OGFOD1: variants seen among roughly 807,000 people sequenced by gnomAD.
The protein encoded by OGFOD1 is prolyl 3-hydroxylase OGFOD1.
A neutral mutation model predicts 67.7 loss-of-function variants in OGFOD1; 54 were observed. That is an observed-to-expected ratio of 0.80 (90% CI 0.64 to 1.00). The LOEUF is 1.00. Ranked by LOEUF, OGFOD1 falls within the 50% of genes least tolerant of loss-of-function variation. The pLI is 0.00. For missense variants in OGFOD1, 606 were observed against 646.7 expected (o/e 0.94, Z 0.68); for synonymous variants, 221 against 227.0 (o/e 0.97, Z 0.24).
intron 12 of OGFOD1, among the ~76,000 whole-genome samples, chr16:56,475,820 T>C (rs182263876): frequency 6.6e-6 from 1 of 152,306 alleles, no homozygotes; most frequent in Admixed American, 6.5e-5. Context: ...TCTTACAATG[T>C]AGTAAGAAAT....
intron 2 of OGFOD1, among the ~76,000 whole-genome samples, chr16:56,455,672 G>A (rs1173185650): frequency 6.6e-6 from 1 of 152,094 alleles, no homozygotes; most frequent in Non-Finnish European, 1.5e-5. Flanking sequence ...AACCAACTCT[G>A]TCATTAGGAC....
chr16:56,454,833 T>C lies in OGFOD1; in HGVS notation c.300+1425T>C, dbSNP rs1224112168. ...CCCAGATCTTTCTGTCTTTGGACCT[T>C]ATACACATGACTGAATTAACCAGGA... On this transcript the variant is annotated intron_variant, in intron 2 of 12. Coordinates refer to ENST00000566157, the MANE Select transcript of OGFOD1 (RefSeq NM_018233.4). 3.7e-5 allele frequency: 16 copies of C among 427,542 alleles called. No homozygotes were observed. In the Admixed American group the frequency reaches 4.2e-4, roughly 11 times the overall value. The allele number at this position is 427,542 out of a possible 1,614,324, so 26.5% of individuals were successfully genotyped here.
Position 56,451,663 on chromosome 16 carries a change from G to C in OGFOD1, c.51G>C (p.Lys17Asn), listed in dbSNP as rs759894663. 1 of 1,614,064 alleles carries C rather than the reference G, an allele frequency of 6.2e-7. No homozygotes were observed. The highest frequency in any genetic ancestry group is 1.1e-5 in the South Asian group (1 of 91,082). The change falls in exon 1 of 13, where the codon AAG (lysine) becomes AAC (asparagine). Residue 17 changes from lysine to asparagine, a missense_variant. Physicochemically the swap from Lys to Asn is moderately conservative, Grantham distance 94 (BLOSUM62 0). Transcript: ENST00000566157. ...CCGGCCCAGCCCGGGTGGGAAAAAA[G>C]GGAAAGAAGGAGGTGATGGCGGAGT... is the stretch of plus-strand genomic sequence containing the variant. ...AEPGPARVGK[K>N]GKKEVMAEFS... is the part of the protein sequence containing the mutation.
chr16:56,461,990 G>A (rs1596971716), intron 3 of OGFOD1, among the ~76,000 whole-genome samples: 1 of 151,980 alleles, frequency 6.6e-6, no homozygotes. Flanking sequence ...CTACTCGGGA[G>A]ACTGAGGCAG....
chr16:56,474,849 A>G lies in OGFOD1; in HGVS notation c.1307A>G (p.Gln436Arg). ...TTAGAATCAAGTGTTCCCATGTGCC[A>G]AGGGGAACTGAGGCATTGGAAGACC... ...TKKESSVPMCQGELRHWKTGH... is the reference protein window; with the variant it reads ...TKKESSVPMCRGELRHWKTGH... Residue 436 changes from glutamine (Q) to arginine (R), a missense_variant, in exon 11 of 13, where the codon CAA becomes CGA. By Grantham distance (43) the Gln-to-Arg change is conservative. Transcript: ENST00000566157. 6 of 1,612,018 alleles carry G rather than the reference A, an allele frequency of 3.7e-6. No homozygotes were observed. Among genetic ancestry groups the G allele is most frequent in the Non-Finnish European group, 5.1e-6 (6 of 1,178,648 alleles).
Position 56,475,524 on chromosome 16 carries a change from G to A in OGFOD1, c.1426G>A (p.Gly476Ser). 4 of 1,614,048 alleles carry A rather than the reference G, an allele frequency of 2.5e-6. No individual in the cohort carries two copies. The highest frequency in any genetic ancestry group is 3.4e-6 in the Non-Finnish European group (4 of 1,179,958). ...CTTGTAAGGCTGGGAGCCAGAATAT[G>A]GCGGTTTTACTTCTTACATTGCCAA... is the stretch of plus-strand genomic sequence containing the variant. ...CGCEGWEPEY[G>S]GFTSYIAKGE... The change falls in exon 12 of 13, where the codon GGC (glycine) becomes AGC (serine). Residue 476 changes from glycine (G) to serine (S), a missense_variant. Physicochemically the swap from Gly to Ser is moderately conservative, Grantham distance 56. Coordinates refer to ENST00000566157, the MANE Select transcript of OGFOD1 (RefSeq NM_018233.4).
At chr16:56,469,729 A>G (rs962408239) in intron 8 of OGFOD1, among the ~76,000 whole-genome samples, 2 of 151,928 alleles carry the variant, frequency 1.3e-5, no homozygotes, top group Non-Finnish European at 2.9e-5. Context: ...GCATGGCTGT[A>G]ATCCCAGCTA....
intron 4 of OGFOD1, 49 bp from the exon 5 acceptor site, chr16:56,466,103 A>C (rs769674875): frequency 5.3e-6 from 7 of 1,319,222 alleles, no homozygotes; most frequent in Admixed American, 5.1e-5. Flanking sequence ...GTCAGGTGTC[A>C]GCTGGTCACT....
In OGFOD1 at chr16:56,453,341, G is replaced by A. The variant is rs1189665687; in HGVS notation, c.233G>A (p.Gly78Glu). Residue 78 changes from glycine (G) to glutamate (E), a missense_variant, in exon 2 of 13, where the codon GGG becomes GAG. Physicochemically the swap from Gly to Glu is moderately conservative, Grantham distance 98. Transcript: ENST00000566157. Reference protein sequence around the residue: ...NFIQSQDFLEGLQKELMNLDF... With the variant: ...NFIQSQDFLEELQKELMNLDF... ...ATCCAAAGCCAAGACTTCTTAGAAGGGCTTCAGAAGGAACTGATGAACTTG... is the reference window on the plus strand; with the variant it reads ...ATCCAAAGCCAAGACTTCTTAGAAGAGCTTCAGAAGGAACTGATGAACTTG... 1 of 1,614,024 alleles carries A rather than the reference G, an allele frequency of 6.2e-7. No individual in the cohort carries two copies. The highest frequency in any genetic ancestry group is 1.7e-5 in the Admixed American group (1 of 60,012).
At position 56,476,313 on chromosome 16, in the gene OGFOD1, T is replaced by C. The variant is rs1334527808; in HGVS notation, c.*108T>C. 2 of 1,065,834 alleles carry C rather than the reference T, an allele frequency of 1.9e-6. No individual in the cohort carries two copies. The highest frequency in any genetic ancestry group is 2.7e-6 in the Non-Finnish European group (2 of 747,416). The allele number at this position is 1,065,834 out of a possible 1,614,324, so 66.0% of individuals were successfully genotyped here. On this transcript the variant is annotated 3_prime_UTR_variant, in exon 13 of 13. Transcript: ENST00000566157. ...AACTACATGGTAGCTTGCCTGACAG[T>C]GTTCTTAAAACTGGTTGTCTTTTAC...
chr16:56,465,494 A>G (rs1053294768), intron 4 of OGFOD1: 3 of 152,166 alleles, frequency 2.0e-5, no homozygotes, highest in African/African-American at 4.8e-5. Flanking sequence ...CAATCCCTCC[A>G]TGTGTAATTG....
rs1465541405 is a variant in OGFOD1, at chr16:56,478,399, G to A, written c.*2194G>A. ...TGGAGACCACAATTTTTTAACCACA[G>A]TGTAGCAACACTCAAGTGGGATTGC... On this transcript the variant is annotated 3_prime_UTR_variant, in exon 13 of 13. Transcript: ENST00000566157. 6.6e-6 allele frequency: 1 copy of A among 152,184 alleles called. No homozygotes were observed. The highest frequency in any genetic ancestry group is 2.4e-5 in the African/African-American group (1 of 41,450). 9.4% of individuals were successfully genotyped at this position (152,184 alleles called of 1,614,324 possible).
At position 56,470,697 on chromosome 16, in the gene OGFOD1, T is replaced by A; in HGVS notation, c.1191T>A (p.Pro397=). The change falls in exon 10 of 13, where the codon CCT becomes CCA. Residue 397 remains proline, a synonymous_variant. Transcript: ENST00000566157. ...AAGAAGGGACTAGCCATAGTCCTCC[T>A]GAGCCAGAGAATAATCAGATGGCCA... ...ITEEGTSHSP[P]EPENNQMAIS... 6.2e-7 allele frequency: 1 copy of A among 1,614,162 alleles called. No individual in the cohort carries two copies. Among genetic ancestry groups the A allele is most frequent in the Non-Finnish European group, 8.5e-7 (1 of 1,180,012 alleles).
At position 56,454,270 on chromosome 16, in the gene OGFOD1, C is replaced by T. The variant is rs184378949; in HGVS notation, c.300+862C>T. ...GGCTGAGGCAGGAGAATCACTTGAA[C>T]CCAGGAGGTGGAGGTTGCAGTGAGC... On this transcript the variant is annotated intron_variant, in intron 2 of 12. Transcript: ENST00000566157. Among the ~76,000 whole-genome samples the T allele has an allele frequency of 7.9e-5, 12 of 152,206 alleles. No homozygotes were observed. The East Asian group carries it at 1.9e-3, about 24-fold the overall frequency.
At position 56,477,687 on chromosome 16, in the gene OGFOD1, A is replaced by G. The variant is rs577333632; in HGVS notation, c.*1482A>G. The stretch of plus-strand genomic sequence containing the variant: ...GTGGGTATGCATGGGTGGATGAAAG[A>G]TGCTGTTCTCATTCCATCCCAATAG... On this transcript the variant is annotated 3_prime_UTR_variant, in exon 13 of 13. Coordinates refer to ENST00000566157, the MANE Select transcript of OGFOD1 (RefSeq NM_018233.4). 6.6e-6 allele frequency: 1 copy of G among 152,258 alleles called. No homozygotes were observed. Among genetic ancestry groups the G allele is most frequent in the East Asian group, 1.9e-4 (1 of 5,176 alleles). The allele number at this position is 152,258 out of a possible 1,614,324, so 9.4% of individuals were successfully genotyped here.
At chr16:56,462,722 T>G in intron 4 of OGFOD1, 88 bp downstream of exon 4, 1 of 775,988 alleles carries the variant, frequency 1.3e-6, no homozygotes. Flanking sequence ...ACCAAAACAC[T>G]CAACTGAATG....
At chr16:56,468,592 G>A (rs1389252558) in intron 8 of OGFOD1, among the ~76,000 whole-genome samples, 2 of 152,102 alleles carry the variant, frequency 1.3e-5, no homozygotes, top group Non-Finnish European at 2.9e-5. Flanking sequence ...CGGGCATGGT[G>A]GCATGCACCT....
intron 7 of OGFOD1, 122 bp downstream of exon 7, chr16:56,467,415 CTT>C: frequency 3.6e-6 from 3 of 828,234 alleles, no homozygotes; most frequent in Non-Finnish European, 5.2e-6. Flanking sequence ...TTCCACTTTT[CTT>C]TTTTTTTTCT....
chr16:56,473,006 C>A (rs1338568617), intron 10 of OGFOD1, among the ~76,000 whole-genome samples: 1 of 152,232 alleles, frequency 6.6e-6, no homozygotes, highest in Non-Finnish European at 1.5e-5. Context: ...TCTCGGCTCA[C>A]TGCTACCTCC....
Sources: gnomAD v4.1 joint callset for allele counts (sites outside exome capture counted in the v4.1 genomes callset) on GRCh38, gnomAD v4.1.1 for gene constraint, MANE v1.5 for transcripts, NCBI Gene and HGNC (gene_info 2026-07-23, HGNC 2026-07-21) for gene names.